MICU1: variants seen among roughly 807,000 people sequenced by gnomAD.
MICU1 encodes the protein mitochondrial calcium uptake 1.
Under a neutral mutation model 56.8 loss-of-function variants are expected in MICU1, and 45 were observed. The observed-to-expected ratio is 0.79, with a 90% CI of 0.62 to 1.02. The LOEUF (loss-of-function observed/expected upper bound fraction) is 1.02. MICU1 is among the 50% of genes least tolerant of loss of function. The pLI is 0.00. For missense variants in MICU1, 504 were observed against 587.1 expected (o/e 0.86, Z 1.46); for synonymous variants, 186 against 195.1 (o/e 0.95, Z 0.39).
chr10:72,395,990 C>A (rs1022601837), intron 10 of MICU1, among the ~76,000 whole-genome samples: 2 of 152,234 alleles, frequency 1.3e-5, no homozygotes, highest in Admixed American at 6.5e-5. Context: ...GGGTCTCTGA[C>A]CCCTGTGTAG....
chr10:72,613,297 AG>A (rs1478744849), intron 1 of MICU1, among the ~76,000 whole-genome samples: 1 of 141,638 alleles, frequency 7.1e-6, no homozygotes, highest in East Asian at 2.0e-4. Context: ...TTTTAGAGAC[AG>A]GGTTTTGCTC....
intron 8 of MICU1, among the ~76,000 whole-genome samples, chr10:72,424,838 T>G (rs529042716): frequency 6.6e-6 from 1 of 152,222 alleles, no homozygotes; most frequent in Admixed American, 6.5e-5. Context: ...GATAAACTTA[T>G]ACAGCCATGG....
intron 1 of MICU1, among the ~76,000 whole-genome samples, chr10:72,624,800 A>G (rs1842189956): frequency 6.6e-6 from 1 of 152,192 alleles, no homozygotes. Flanking sequence ...CAAACCAAGG[A>G]TTGGGACAAA....
intron 8 of MICU1, among the ~76,000 whole-genome samples, chr10:72,472,232 C>T (rs1308041996): frequency 6.6e-6 from 1 of 152,110 alleles, no homozygotes; most frequent in Non-Finnish European, 1.5e-5. Flanking sequence ...GAAGATAGAG[C>T]CCTCTACGTA....
intron 8 of MICU1, among the ~76,000 whole-genome samples, chr10:72,436,389 C>A (rs1483983582): frequency 1.3e-5 from 2 of 152,164 alleles, no homozygotes; most frequent in Non-Finnish European, 2.9e-5. Context: ...AGGACGTCCA[C>A]ACCAAAACTC....
chr10:72,525,849 A>C (rs911871588), intron 5 of MICU1, among the ~76,000 whole-genome samples: 8 of 152,206 alleles, frequency 5.3e-5, no homozygotes, highest in Admixed American at 5.2e-4. Context: ...CCCATCAGTT[A>C]TGTGGGAGAG....
chr10:72,374,808 C>CTTTTTTTTTTT (rs34228174), intron 11 of MICU1, among the ~76,000 whole-genome samples: 1 of 77,206 alleles, frequency 1.3e-5, no homozygotes, highest in African/African-American at 5.2e-5. Flanking sequence ...CTACTATTAT[C>CTTTTTTTTTTT]TTTTTTTTTT....
chr10:72,574,952 T>C (rs1218830076), intron 1 of MICU1, among the ~76,000 whole-genome samples: 1 of 152,206 alleles, frequency 6.6e-6, no homozygotes, highest in East Asian at 1.9e-4. Flanking sequence ...TTATTACTAG[T>C]TGTAAAGAAT....
At chr10:72,575,984 C>T (rs1008022156) in intron 1 of MICU1, among the ~76,000 whole-genome samples, 10 of 152,084 alleles carry the variant, frequency 6.6e-5, no homozygotes, top group African/African-American at 1.9e-4. Context: ...GAGGCTGAGG[C>T]GGGTGGATCA....
intron 8 of MICU1, among the ~76,000 whole-genome samples, chr10:72,442,423 C>T (rs1057494665): frequency 3.3e-5 from 5 of 152,148 alleles, no homozygotes; most frequent in Admixed American, 2.0e-4. Context: ...GGATTACAAG[C>T]GTGAGCCACC....
At chr10:72,540,034 G>A (rs145073732) in intron 4 of MICU1, among the ~76,000 whole-genome samples, 104 of 152,194 alleles carry the variant, frequency 6.8e-4, no homozygotes, top group African/African-American at 1.3e-3. Flanking sequence ...TTGGGAGGCC[G>A]AGACAGGTGA....
chr10:72,387,097 C>T (rs1862916256), intron 10 of MICU1, among the ~76,000 whole-genome samples: 1 of 152,114 alleles, frequency 6.6e-6, no homozygotes, highest in Non-Finnish European at 1.5e-5. Flanking sequence ...GCTAACAGTC[C>T]CTGTGAGGCA....
intron 3 of MICU1, among the ~76,000 whole-genome samples, chr10:72,553,292 G>A (rs1220301458): frequency 2.0e-5 from 3 of 148,750 alleles, no homozygotes; most frequent in Non-Finnish European, 3.0e-5. Context: ...GGAGTGCACT[G>A]GCACAATCTT....
chr10:72,516,627 G>C (rs1014179112), intron 5 of MICU1, among the ~76,000 whole-genome samples: 1 of 152,104 alleles, frequency 6.6e-6, no homozygotes, highest in Non-Finnish European at 1.5e-5. Context: ...TGTAAGGAAG[G>C]GGTCCAATTT....
chr10:72,580,781 T>G (rs1231275825), intron 1 of MICU1, among the ~76,000 whole-genome samples: 1 of 152,230 alleles, frequency 6.6e-6, no homozygotes, highest in African/African-American at 2.4e-5. Flanking sequence ...CCGGCCAAGC[T>G]TTTGCTTTCT....
chr10:72,424,610 C>T (rs545412740), intron 8 of MICU1, among the ~76,000 whole-genome samples: 3 of 152,196 alleles, frequency 2.0e-5, no homozygotes, highest in African/African-American at 7.2e-5. Flanking sequence ...AGTCACTGTG[C>T]CTGGCCTCAT....
At chr10:72,388,079 C>T (rs534738961) in intron 10 of MICU1, among the ~76,000 whole-genome samples, 10 of 152,212 alleles carry the variant, frequency 6.6e-5, no homozygotes, top group South Asian at 2.1e-4. Context: ...TAGTGAATAG[C>T]GGGGACTCAA....
At chr10:72,512,161 G>C (rs989294632) in intron 5 of MICU1, among the ~76,000 whole-genome samples, 3 of 134,538 alleles carry the variant, frequency 2.2e-5, no homozygotes, top group African/African-American at 9.0e-5. Context: ...CGCCAGGCTG[G>C]AGTACAGTGG....
At chr10:72,526,227 A>G (rs758142490) in intron 5 of MICU1, among the ~76,000 whole-genome samples, 1 of 152,242 alleles carries the variant, frequency 6.6e-6, no homozygotes, top group Non-Finnish European at 1.5e-5. Flanking sequence ...TAAAAATAAA[A>G]CAAAATTCCA....
Sources: allele counts gnomAD v4.1 joint callset (sites outside exome capture counted in the v4.1 genomes callset), GRCh38; gene constraint gnomAD v4.1.1; transcripts MANE v1.5; gene names NCBI Gene and HGNC (gene_info 2026-07-23, HGNC 2026-07-21).